MAP3K4: variants seen among roughly 807,000 people sequenced by gnomAD.
The protein encoded by MAP3K4 is MAP three kinase 1.
Under a neutral mutation model 185.6 loss-of-function variants are expected in MAP3K4, and 67 were observed. That is an observed-to-expected ratio of 0.36 (90% CI 0.30 to 0.44). The LOEUF (loss-of-function observed/expected upper bound fraction) is 0.44. Ranked by LOEUF, MAP3K4 falls within the 20% of genes least tolerant of loss-of-function variation. MAP3K4 has a pLI of 1.00. For synonymous variants in MAP3K4, 702 were observed against 710.4 expected (o/e 0.99, Z 0.19); for missense variants, 1,551 against 1,995.1 (o/e 0.78, Z 4.24).
rs558919969 is a variant in MAP3K4 at position 161,087,529 on chromosome 6, A to G, written c.2557-159A>G. Among the ~76,000 whole-genome samples, 63 of 152,258 alleles carry G rather than the reference A, an allele frequency of 4.1e-4. No homozygotes were observed. Among genetic ancestry groups the G allele is most frequent in the Middle Eastern group, 3.4e-3 (1 of 294 alleles). On this transcript the variant is annotated intron_variant, in intron 9 of 26. Transcript: ENST00000392142. The surrounding 1 kb of genome is among the most constrained non-coding windows in gnomAD (Gnocchi z 4.9). ...TCTCCTCCTCCTGCCTCCTTCAGTCACACTGAAGCCGGCTACCTGCAGTTC... is the reference window on the plus strand; with the variant it reads ...TCTCCTCCTCCTGCCTCCTTCAGTCGCACTGAAGCCGGCTACCTGCAGTTC...
chr6:161,105,583 G>A (rs920257498), intron 19 of MAP3K4, among the ~76,000 whole-genome samples: 4 of 152,282 alleles, frequency 2.6e-5, no homozygotes, highest in East Asian at 1.9e-4. Flanking sequence ...TAGAAGAGGC[G>A]TGGCATTTCA....
intron 2 of MAP3K4, among the ~76,000 whole-genome samples, chr6:161,040,736 G>A (rs922761020): frequency 1.3e-5 from 2 of 152,218 alleles, no homozygotes; most frequent in African/African-American, 4.8e-5. Flanking sequence ...AACAGAGATA[G>A]TCCCCCAACT....
At position 161,064,555 on chromosome 6, in the gene MAP3K4, A is replaced by C. The variant is rs1217797481; in HGVS notation, c.1708-6053A>C. 6.6e-6 allele frequency among the ~76,000 whole-genome samples: 1 copy of C among 151,900 alleles called. No individual in the cohort carries two copies. The highest frequency in any genetic ancestry group is 1.5e-5 in the Non-Finnish European group (1 of 68,014). On this transcript the variant is annotated intron_variant, in intron 3 of 26. Transcript: ENST00000392142. The surrounding 1 kb of genome is among the most constrained non-coding windows in gnomAD (Gnocchi z 4.3). ...ATTCTATTTTAAATAGAGTAGGCTT[A>C]TTAGTAAGGTTTGGTATCTTGTAGG...
At chr6:161,027,029 A>G (rs1166597903) in intron 1 of MAP3K4, among the ~76,000 whole-genome samples, 3 of 152,138 alleles carry the variant, frequency 2.0e-5, no homozygotes, top group Non-Finnish European at 2.9e-5. Flanking sequence ...AAAATATGCT[A>G]TATAAATCTA....
At chr6:160,992,110 C>T (rs1780741576) in intron 1 of MAP3K4, 27 bp downstream of exon 1, 2 of 1,527,512 alleles carry the variant, frequency 1.3e-6, no homozygotes, top group Non-Finnish European at 1.7e-6. Context: ...CAGTCGGTCG[C>T]TCGCAGAAAG....
chr6:161,019,964 G>A (rs1229740559), intron 1 of MAP3K4, among the ~76,000 whole-genome samples: 1 of 152,132 alleles, frequency 6.6e-6, no homozygotes, highest in Non-Finnish European at 1.5e-5. Context: ...TTTATTCACT[G>A]CATCTTTTGA....
At chr6:161,102,802 TAAAAAAAAAAAA>T in intron 19 of MAP3K4, 23 bp downstream of exon 19, 2 of 604,442 alleles carry the variant, frequency 3.3e-6, no homozygotes, top group Non-Finnish European at 5.1e-6. Context: ...GTGTTGAAGT[TAAAAAAAAAAAA>T]AAAAAAAAAA....
In MAP3K4 at chr6:161,086,721, A is replaced by G. The variant is rs1785733359; in HGVS notation, c.2556+54A>G. On this transcript the variant is annotated intron_variant, in intron 9 of 26. Transcript: ENST00000392142. The surrounding 1 kb of genome is among the most constrained non-coding windows in gnomAD (Gnocchi z 4.8). The stretch of plus-strand genomic sequence containing the variant: ...CATTTTGCCTTTCCTTCTTTATTCT[A>G]AAACAGGCAGACTTTTTCTTGAAGG... 6 of 1,439,002 alleles carry G rather than the reference A, an allele frequency of 4.2e-6. No homozygotes were observed. Among genetic ancestry groups the G allele is most frequent in the Non-Finnish European group, 5.8e-6 (6 of 1,035,286 alleles). 89.1% of individuals were successfully genotyped at this position (1,439,002 alleles called of 1,614,324 possible).
At position 161,061,129 on chromosome 6, in the gene MAP3K4, G is replaced by A. The variant is rs1784470622; in HGVS notation, c.1708-9479G>A. On this transcript the variant is annotated intron_variant, in intron 3 of 26. Transcript: ENST00000392142. This position sits in a 1 kb window ranked among gnomAD's most constrained non-coding sequence, Gnocchi z 4.2. ...GTTCTGATTCAAATTCAGGATTTGA[G>A]AATTTTGCTTAATCTCTTCTGACTT... is the stretch of plus-strand genomic sequence containing the variant. Among the ~76,000 whole-genome samples the A allele has an allele frequency of 6.6e-6, 1 of 152,168 alleles. No individual in the cohort carries two copies. Among genetic ancestry groups the A allele is most frequent in the Non-Finnish European group, 1.5e-5 (1 of 68,028 alleles).
chr6:161,083,608 A>G (rs1202221558), intron 6 of MAP3K4, among the ~76,000 whole-genome samples: 3 of 152,116 alleles, frequency 2.0e-5, no homozygotes, highest in Admixed American at 6.5e-5. Context: ...TTCAGATTGG[A>G]TGATTTTCTT....
rs908626967 is a variant in MAP3K4 at position 161,096,385 on chromosome 6, G to C, written c.3428-695G>C. Among the ~76,000 whole-genome samples, 2 of 152,116 alleles carry C rather than the reference G, an allele frequency of 1.3e-5. No homozygotes were observed. Among genetic ancestry groups the C allele is most frequent in the African/African-American group, 2.4e-5 (1 of 41,412 alleles). The stretch of plus-strand genomic sequence containing the variant: ...AGTGGTAAAAGTGAAGAAGAGAAAA[G>C]CATGTTACGGAGAGTAGGCAAAATA... On this transcript the variant is annotated intron_variant, in intron 15 of 26. Coordinates refer to ENST00000392142, the MANE Select transcript of MAP3K4 (RefSeq NM_005922.4). This position sits in a 1 kb window ranked among gnomAD's most constrained non-coding sequence, Gnocchi z 4.9.
At chr6:161,089,503 T>G in intron 11 of MAP3K4, 32 bp downstream of exon 11, 1 of 1,607,594 alleles carries the variant, frequency 6.2e-7, no homozygotes, top group East Asian at 2.2e-5. Flanking sequence ...TAGCTGAGAT[T>G]TTTCCTTTTT....
At chr6:161,104,492 T>A (rs1029184650) in intron 19 of MAP3K4, among the ~76,000 whole-genome samples, 4 of 150,924 alleles carry the variant, frequency 2.7e-5, no homozygotes, top group African/African-American at 9.8e-5. Flanking sequence ...GGCAGGTGGA[T>A]CACGAGGTCA....
Position 161,100,649 on chromosome 6 carries a change from A to G in MAP3K4, c.3675-1243A>G, listed in dbSNP as rs1006229400. 6.6e-6 allele frequency among the ~76,000 whole-genome samples: 1 copy of G among 152,160 alleles called. No homozygotes were observed. Among genetic ancestry groups the G allele is most frequent in the Admixed American group, 6.5e-5 (1 of 15,276 alleles). ...AGAGCTAGTCGTTCAACATTCCCCA[A>G]TATGCCACTTCATGAGTATATGTTC... On this transcript the variant is annotated intron_variant, in intron 17 of 26. Coordinates refer to ENST00000392142, the MANE Select transcript of MAP3K4 (RefSeq NM_005922.4). This position sits in a 1 kb window ranked among gnomAD's most constrained non-coding sequence, Gnocchi z 5.8.
In MAP3K4 at chr6:161,080,818, G is replaced by A; in HGVS notation, c.2098-63G>A. 1 of 1,478,278 alleles carries A rather than the reference G, an allele frequency of 6.8e-7. No individual in the cohort carries two copies. Among genetic ancestry groups the A allele is most frequent in the South Asian group, 1.2e-5 (1 of 84,126 alleles). The allele number at this position is 1,478,278 out of a possible 1,614,324, so 91.6% of individuals were successfully genotyped here. A position where few individuals can be genotyped will look rare whatever the true frequency, so the allele number is the denominator to read the frequency against. ...TACCCTGCTGATGTGTAGCTTTCAG[G>A]TGAGAGCGCTGAGTTGCCAAGTTCT... On this transcript the variant is annotated intron_variant, in intron 5 of 26. Coordinates refer to ENST00000392142, the MANE Select transcript of MAP3K4 (RefSeq NM_005922.4). This position sits in a 1 kb window ranked among gnomAD's most constrained non-coding sequence, Gnocchi z 4.8.
chr6:161,013,661 G>A (rs898516566), intron 1 of MAP3K4, among the ~76,000 whole-genome samples: 1 of 152,208 alleles, frequency 6.6e-6, no homozygotes, highest in East Asian at 1.9e-4. Context: ...AAGAGGCAAC[G>A]TTACATCTCT....
chr6:161,005,617 A>G (rs1781549106), intron 1 of MAP3K4, among the ~76,000 whole-genome samples: 1 of 152,188 alleles, frequency 6.6e-6, no homozygotes, highest in Non-Finnish European at 1.5e-5. Context: ...GATAATGATT[A>G]AATTTGTTTA....
intron 1 of MAP3K4, among the ~76,000 whole-genome samples, chr6:161,009,330 A>G (rs1219681085): frequency 6.6e-6 from 1 of 152,100 alleles, no homozygotes; most frequent in Non-Finnish European, 1.5e-5. Context: ...AAGTACATTT[A>G]TTTACACTAT....
chr6:161,015,414 C>T (rs1320512775), intron 1 of MAP3K4, among the ~76,000 whole-genome samples: 1 of 152,070 alleles, frequency 6.6e-6, no homozygotes, highest in Non-Finnish European at 1.5e-5. Context: ...ACACGTTTAC[C>T]TATGTAATAA....
Sources: gnomAD v4.1 joint callset for allele counts (sites outside exome capture counted in the v4.1 genomes callset) on GRCh38, gnomAD v4.1.1 for gene constraint, Gnocchi (gnomAD v3.1) non-coding constraint, MANE v1.5 for transcripts, NCBI Gene and HGNC (gene_info 2026-07-23, HGNC 2026-07-21) for gene names.